The following PAX2 variants were observed in gnomAD, a reference collection of about 807,000 sequenced individuals.
PAX2 encodes paired box 2, also known as paired box protein Pax-2.
A neutral mutation model predicts 41.7 loss-of-function variants in PAX2; 9 were observed. The ratio of observed to expected loss-of-function variants is 0.22; its 90% confidence interval spans 0.13 to 0.38. The LOEUF (loss-of-function observed/expected upper bound fraction) is 0.38. Among genes scored for constraint, PAX2 ranks in the 10% least tolerant of loss-of-function variants. PAX2 has a pLI of 1.00. For synonymous variants in PAX2, 221 were observed against 212.7 expected (o/e 1.04, Z -0.34); for missense variants, 418 against 531.6 (o/e 0.79, Z 2.10).
intron 3 of PAX2, among the ~76,000 whole-genome samples, chr10:100,775,923 A>G (rs1328855697): frequency 1.3e-5 from 2 of 152,180 alleles, no homozygotes; most frequent in Non-Finnish European, 1.5e-5. Context: ...TTGCTGAGAG[A>G]TAAAAGCCGT....
Position 100,748,714 on chromosome 10 carries a change from T to C in PAX2, c.44-1032T>C. ...CGGTTCCGAGATCGGGAGCCCGCGCTGGAGCCGGGTTGGAAACCCCGTGCC... is the reference window on the plus strand; with the variant it reads ...CGGTTCCGAGATCGGGAGCCCGCGCCGGAGCCGGGTTGGAAACCCCGTGCC... On this transcript the variant is annotated intron_variant, in intron 1 of 9. Transcript: ENST00000355243. The surrounding 1 kb of genome is among the most constrained non-coding windows in gnomAD (Gnocchi z 5.0). 16 of 985,476 alleles carry C rather than the reference T, an allele frequency of 1.6e-5. No homozygotes were observed. The highest frequency in any genetic ancestry group is 1.8e-5 in the Non-Finnish European group (15 of 829,962). 61.0% of individuals were successfully genotyped at this position (985,476 alleles called of 1,614,324 possible).
intron 3 of PAX2, among the ~76,000 whole-genome samples, chr10:100,766,796 T>C (rs763363131): frequency 1.5e-4 from 23 of 151,880 alleles, no homozygotes; most frequent in Non-Finnish European, 3.4e-4. Flanking sequence ...AGAAGGCAAT[T>C]AAAGCAATTA....
chr10:100,787,277 C>A (rs777862409), intron 5 of PAX2, among the ~76,000 whole-genome samples: 3 of 152,098 alleles, frequency 2.0e-5, no homozygotes, highest in Non-Finnish European at 4.4e-5. Flanking sequence ...CTTTTTCTAG[C>A]CCTTGGAAAA....
At chr10:100,797,600 T>A (rs1285632071) in intron 5 of PAX2, among the ~76,000 whole-genome samples, 1 of 152,226 alleles carries the variant, frequency 6.6e-6, no homozygotes, top group African/African-American at 2.4e-5. Context: ...AGTGCATGCA[T>A]GTTAAGCATA....
chr10:100,809,993 G>C (rs1383815260), intron 7 of PAX2, among the ~76,000 whole-genome samples: 1 of 152,230 alleles, frequency 6.6e-6, no homozygotes, highest in Non-Finnish European at 1.5e-5. Flanking sequence ...TCCAGGCCAG[G>C]AGACTGCCCA....
Position 100,821,058 on chromosome 10 carries a change from C to T in PAX2, c.920-3590C>T, listed in dbSNP as rs1848366306. On this transcript the variant is annotated intron_variant, in intron 7 of 9. Transcript: ENST00000355243. ...AGTACAGCAAGGCCCAGTGCTCTGT[C>T]GATTCTTGCTTGCACAGATTCCATT... is the stretch of plus-strand genomic sequence containing the variant. 2.0e-5 allele frequency among the ~76,000 whole-genome samples: 3 copies of T among 152,316 alleles called. No homozygotes were observed. In the South Asian group the frequency reaches 6.2e-4, roughly 32 times the overall value.
chr10:100,787,258 G>T (rs927372814), intron 5 of PAX2, among the ~76,000 whole-genome samples: 1 of 148,970 alleles, frequency 6.7e-6, no homozygotes, highest in Non-Finnish European at 1.5e-5. Flanking sequence ...CTCAGTGGAT[G>T]GGGGGTCACT....
In PAX2 at chr10:100,768,686, A is replaced by C. The variant is rs1326252198; in HGVS notation, c.411-10812A>C. Among the ~76,000 whole-genome samples the C allele has an allele frequency of 7.9e-5, 12 of 152,340 alleles. No homozygotes were observed. In the East Asian group the frequency reaches 2.3e-3, roughly 29 times the overall value. ...ATAAATATATATATAAATTTCCCAA[A>C]AAGATCAACTGATTCAGCCTACAGA... On this transcript the variant is annotated intron_variant, in intron 3 of 9. Coordinates refer to ENST00000355243, the MANE Select transcript of PAX2 (RefSeq NM_000278.5).
intron 5 of PAX2, among the ~76,000 whole-genome samples, chr10:100,795,924 A>G (rs1433492015): frequency 6.6e-6 from 1 of 152,232 alleles, no homozygotes; most frequent in Non-Finnish European, 1.5e-5. Flanking sequence ...CTTCTCTCTC[A>G]ATATTACATC....
chr10:100,819,073 C>G (rs1427850085), intron 7 of PAX2, among the ~76,000 whole-genome samples: 1 of 151,800 alleles, frequency 6.6e-6, no homozygotes, highest in Non-Finnish European at 1.5e-5. Context: ...ATGGCAAAAC[C>G]CTGTCTCTAC....
At chr10:100,809,963 C>T (rs988494795) in intron 7 of PAX2, among the ~76,000 whole-genome samples, 3 of 152,236 alleles carry the variant, frequency 2.0e-5, no homozygotes, top group Non-Finnish European at 4.4e-5. Context: ...GTGGAATGCA[C>T]GTGCCACTGC....
At chr10:100,799,715 C>A (rs940475315) in intron 5 of PAX2, among the ~76,000 whole-genome samples, 16 of 151,984 alleles carry the variant, frequency 1.1e-4, no homozygotes, top group East Asian at 3.9e-4. Context: ...AGGTGAAAGC[C>A]CTAATATCAT....
Position 100,751,329 on chromosome 10 carries a change from C to T in PAX2, c.410+438C>T, listed in dbSNP as rs190384787. On this transcript the variant is annotated intron_variant, in intron 3 of 9. Coordinates refer to ENST00000355243, the MANE Select transcript of PAX2 (RefSeq NM_000278.5). The stretch of plus-strand genomic sequence containing the variant: ...TGTCCTGGCTCCCTCACCCTCCCTG[C>T]CAACTCCCACAAAGCTCACCTCCCA... Among the ~76,000 whole-genome samples the T allele has an allele frequency of 2.5e-4, 38 of 152,326 alleles. No individual in the cohort carries two copies. The East Asian group carries it at 4.4e-3, about 18-fold the overall frequency.
chr10:100,769,459 C>G (rs6584401), intron 3 of PAX2, among the ~76,000 whole-genome samples: 6,941 of 151,678 alleles, frequency 0.046, 445 homozygotes, highest in African/African-American at 0.14. Context: ...AAAACCCTGT[C>G]TCTACTAAAA....
upstream of PAX2, among the ~76,000 whole-genome samples, chr10:100,742,411 C>A (rs1386034431): frequency 6.6e-6 from 1 of 151,912 alleles, no homozygotes; most frequent in Non-Finnish European, 1.5e-5. Context: ...CGCGGCCCAG[C>A]CAGAAAACCA....
chr10:100,797,009 T>C (rs934165550), intron 5 of PAX2, among the ~76,000 whole-genome samples: 1 of 152,240 alleles, frequency 6.6e-6, no homozygotes, highest in African/African-American at 2.4e-5. Context: ...TGAGTGACAC[T>C]GAATTCAGAG....
In PAX2 at chr10:100,829,179, C is replaced by T; in HGVS notation, c.*1560C>T. The T allele has an allele frequency of 4.3e-6, 1 of 232,568 alleles. No individual in the cohort carries two copies. Among genetic ancestry groups the T allele is most frequent in the Non-Finnish European group, 8.5e-6 (1 of 117,430 alleles). The allele number at this position is 232,568 out of a possible 1,614,324, so 14.4% of individuals were successfully genotyped here. A position where few individuals can be genotyped will look rare whatever the true frequency, so the allele number is the denominator to read the frequency against. On this transcript the variant is annotated 3_prime_UTR_variant, in exon 10 of 10. Coordinates refer to ENST00000355243, the MANE Select transcript of PAX2 (RefSeq NM_000278.5). ...ACTCCTCTGGCCTGTTTTGTTGGCT[C>T]TTTCTCTGTAATTCCGTGTTTTCGC...
chr10:100,775,255 T>A (rs1846346104), intron 3 of PAX2, among the ~76,000 whole-genome samples: 1 of 152,114 alleles, frequency 6.6e-6, no homozygotes, highest in Admixed American at 6.5e-5. Context: ...AGGAGGAACA[T>A]GGGGAAACGG....
intron 3 of PAX2, among the ~76,000 whole-genome samples, chr10:100,759,255 A>G (rs913594059): frequency 2.0e-5 from 3 of 152,124 alleles, no homozygotes; most frequent in Non-Finnish European, 2.9e-5. Flanking sequence ...TGAAGGAGAA[A>G]GGGGAAGAGG....
Sources: allele counts gnomAD v4.1 joint callset (sites outside exome capture counted in the v4.1 genomes callset), GRCh38; gene constraint gnomAD v4.1.1; non-coding constraint Gnocchi (gnomAD v3.1); transcripts MANE v1.5; gene names NCBI Gene and HGNC (gene_info 2026-07-23, HGNC 2026-07-21).